Variants in WDTC1 observed in about 807,000 individuals in gnomAD.
WDTC1 encodes the protein WD and tetratricopeptide repeats protein 1.
Under a neutral mutation model 76.0 loss-of-function variants are expected in WDTC1, and 12 were observed. The ratio of observed to expected loss-of-function variants is 0.16; its 90% CI spans 0.10 to 0.26. The LOEUF (loss-of-function observed/expected upper bound fraction) is 0.26. WDTC1 is among the 10% of genes least tolerant of loss of function. WDTC1 has a pLI of 1.00. For synonymous variants in WDTC1, 326 were observed against 350.8 expected, an observed-to-expected ratio of 0.93 and a Z score of 0.79; for missense variants, 511 against 908.8, an observed-to-expected ratio of 0.56 and a Z score of 5.63.
rs534321538 is a variant in WDTC1, at chr1:27,306,808, C to T, written c.*425C>T. 6 of 195,370 alleles carry T rather than the reference C, an allele frequency of 3.1e-5. No homozygotes were observed. The highest frequency in any genetic ancestry group is 2.0e-4 in the South Asian group (2 of 10,020). 12.1% of individuals were successfully genotyped at this position (195,370 alleles called of 1,614,324 possible). A position where few individuals can be genotyped will look rare whatever the true frequency, so the allele number is the denominator to read the frequency against. On this transcript the variant is annotated 3_prime_UTR_variant, in exon 16 of 16. Transcript: ENST00000319394. The surrounding 1 kb of genome is among the most constrained non-coding windows in gnomAD (Gnocchi z 5.0). The stretch of plus-strand genomic sequence containing the variant: ...GTAAGGGCTCGCCTTGGCCTGTTGC[C>T]ACTCTTGCTCCCTAGCCTGCAAGGC...
At chr1:27,299,571 G>A (rs1257114890) in intron 12 of WDTC1, among the ~76,000 whole-genome samples, 2 of 152,176 alleles carry the variant, frequency 1.3e-5, no homozygotes, top group Admixed American at 1.3e-4. Flanking sequence ...TGAAGAGCTT[G>A]TTTGCAGAAC....
At chr1:27,264,443 T>C (rs1306210379) in intron 3 of WDTC1, among the ~76,000 whole-genome samples, 1 of 151,386 alleles carries the variant, frequency 6.6e-6, no homozygotes, top group Non-Finnish European at 1.5e-5. Flanking sequence ...AATGAAATAA[T>C]AAAATGTTTA....
chr1:27,300,133 G>A (rs2013795306), intron 12 of WDTC1, among the ~76,000 whole-genome samples: 1 of 152,228 alleles, frequency 6.6e-6, no homozygotes. Context: ...CCTGGTCTGA[G>A]CGTGGCTGTT....
At chr1:27,248,162 A>AT in intron 1 of WDTC1, among the ~76,000 whole-genome samples, 1 of 152,330 alleles carries the variant, frequency 6.6e-6, no homozygotes, top group Middle Eastern at 3.4e-3. Flanking sequence ...CTTTGGGTAT[A>AT]TACCCAGTAA....
At chr1:27,261,525 G>C (rs746801227) in intron 2 of WDTC1, among the ~76,000 whole-genome samples, 1 of 152,206 alleles carries the variant, frequency 6.6e-6, no homozygotes, top group Non-Finnish European at 1.5e-5. Flanking sequence ...AGGCTCTCCT[G>C]TGCTAAAGCC....
intron 1 of WDTC1, among the ~76,000 whole-genome samples, chr1:27,255,993 C>A (rs1471366272): frequency 6.6e-6 from 1 of 152,116 alleles, no homozygotes; most frequent in African/African-American, 2.4e-5. Context: ...CTCAGAGAAC[C>A]CCTCTCTATC....
At chr1:27,254,042 G>T (rs1405027020) in intron 1 of WDTC1, among the ~76,000 whole-genome samples, 2 of 152,022 alleles carry the variant, frequency 1.3e-5, no homozygotes, top group Non-Finnish European at 2.9e-5. Context: ...AGATTTAAGG[G>T]TATTTCCTTC....
intron 5 of WDTC1, 60 bp downstream of exon 5, chr1:27,283,509 G>C (rs1279631451): frequency 6.6e-7 from 1 of 1,525,566 alleles, no homozygotes; most frequent in East Asian, 2.3e-5. Context: ...GAGTGACTGG[G>C]CTGTGGCCAC....
intron 3 of WDTC1, among the ~76,000 whole-genome samples, chr1:27,266,052 AG>A (rs1051773251): frequency 5.0e-4 from 76 of 152,316 alleles, no homozygotes; most frequent in South Asian, 2.1e-3. Flanking sequence ...AATAGCGTAA[AG>A]GGGTCCTGAA....
At chr1:27,289,026 G>C (rs1427026910) in intron 6 of WDTC1, among the ~76,000 whole-genome samples, 2 of 132,748 alleles carry the variant, frequency 1.5e-5, no homozygotes, top group Admixed American at 1.5e-4. Flanking sequence ...CTGGCTGGGC[G>C]GGGGGCTGAC....
Position 27,292,500 on chromosome 1 carries a change from T to C in WDTC1, c.662+103T>C, listed in dbSNP as rs944569269. 60 of 1,174,706 alleles carry C rather than the reference T, an allele frequency of 5.1e-5. No homozygotes were observed. In the African/African-American group the frequency reaches 8.5e-4, roughly 17 times the overall value. The allele number at this position is 1,174,706 out of a possible 1,614,324, so 72.8% of individuals were successfully genotyped here. ...CCATGCCCTCTTCTTCTATCACAGC[T>C]CACTGCAGCCTCAACCTCCCAGGCT... On this transcript the variant is annotated intron_variant, in intron 7 of 15. Coordinates refer to ENST00000319394, the MANE Select transcript of WDTC1 (RefSeq NM_001276252.2).
At chr1:27,300,353 A>G (rs1323546730) in intron 12 of WDTC1, among the ~76,000 whole-genome samples, 1 of 152,008 alleles carries the variant, frequency 6.6e-6, no homozygotes, top group Non-Finnish European at 1.5e-5. Flanking sequence ...TGGCTTCTGA[A>G]GAAGCAGTTC....
In WDTC1 at chr1:27,308,325, A is replaced by G. The variant is rs1172327212; in HGVS notation, c.*1942A>G. 1 of 152,184 alleles carries G rather than the reference A, an allele frequency of 6.6e-6. No homozygotes were observed. The allele number at this position is 152,184 out of a possible 1,614,324, so 9.4% of individuals were successfully genotyped here. A position where few individuals can be genotyped will look rare whatever the true frequency, so the allele number is the denominator to read the frequency against. ...CCTGGTCCCTCACCTCTGTAGCTCT[A>G]TGACTTAGTAACCACACCTCTACTG... On this transcript the variant is annotated 3_prime_UTR_variant, in exon 16 of 16. Transcript: ENST00000319394.
At chr1:27,238,219 A>G (rs114665117) in intron 1 of WDTC1, among the ~76,000 whole-genome samples, 1 of 152,212 alleles carries the variant, frequency 6.6e-6, no homozygotes. Flanking sequence ...ACTGTGACAC[A>G]TGAAGAAGAA....
rs761502664 is a variant in WDTC1 at position 27,305,145 on chromosome 1, C to T, written c.1788C>T (p.Ala596=). ...CACACCCCAGCTACTGCTTCCTGGC[C>T]ACCAGTGGCATCGATCCTGTTGTGC... ...LQPHPSYCFL[A]TSGIDPVVRL... Residue 596 remains alanine (A), a synonymous_variant, in exon 15 of 16, where the codon GCC becomes GCT. Coordinates refer to ENST00000319394, the MANE Select transcript of WDTC1 (RefSeq NM_001276252.2). This position sits in a 1 kb window ranked among gnomAD's most constrained non-coding sequence, Gnocchi z 4.6. 19 of 1,613,984 alleles carry T rather than the reference C, an allele frequency of 1.2e-5. No individual in the cohort carries two copies. The highest frequency in any genetic ancestry group is 1.6e-5 in the Non-Finnish European group (19 of 1,180,008).
rs1035146092 is a variant in WDTC1 at position 27,237,712 on chromosome 1, A to G, written c.-100+2761A>G. ...AAAATACAAAAAAAATTAGCCGGGC[A>G]TGGTGGCACGCGCCTGTAGTCCCAG... is the stretch of plus-strand genomic sequence containing the variant. On this transcript the variant is annotated intron_variant, in intron 1 of 15. Coordinates refer to ENST00000319394, the MANE Select transcript of WDTC1 (RefSeq NM_001276252.2). Among the ~76,000 whole-genome samples the G allele has an allele frequency of 1.2e-4, 18 of 152,128 alleles. No individual in the cohort carries two copies. In the East Asian group the frequency reaches 3.1e-3, roughly 26 times the overall value.
At chr1:27,271,941 AT>A (rs891943638) in intron 3 of WDTC1, among the ~76,000 whole-genome samples, 859 of 144,758 alleles carry the variant, frequency 5.9e-3, no homozygotes, top group Admixed American at 9.7e-3. Context: ...CCGGCCTAAA[AT>A]TTTTTTTTTA....
chr1:27,263,179 C>T lies in WDTC1; in HGVS notation c.76C>T (p.Arg26Cys), dbSNP rs751495420. 21 of 1,613,364 alleles carry T rather than the reference C, an allele frequency of 1.3e-5. No homozygotes were observed. The highest frequency in any genetic ancestry group is 1.0e-4 in the Admixed American group (6 of 59,950). The change falls in exon 3 of 16, where the codon CGC becomes TGC. Residue 26 changes from arginine to cysteine, a missense_variant. Transcript: ENST00000319394. Reference sequence around the variant, plus strand: ...GCGGGGTGCCCTGAGCTTTGAGCGGCGCTACCATGTCACTGACCCCTTTAT... The same window carrying T: ...GCGGGGTGCCCTGAGCTTTGAGCGGTGCTACCATGTCACTGACCCCTTTAT... Reference protein sequence around the residue: ...KERGALSFERRYHVTDPFIRR... With the variant: ...KERGALSFERCYHVTDPFIRR...
intron 5 of WDTC1, among the ~76,000 whole-genome samples, chr1:27,286,159 C>A (rs2013329425): frequency 6.6e-6 from 1 of 151,846 alleles, no homozygotes; most frequent in Non-Finnish European, 1.5e-5. Flanking sequence ...GTGCACACCA[C>A]CACATCCGGC....
Sources: allele counts gnomAD v4.1 joint callset (sites outside exome capture counted in the v4.1 genomes callset), GRCh38; gene constraint gnomAD v4.1.1; non-coding constraint Gnocchi (gnomAD v3.1); transcripts MANE v1.5; gene names NCBI Gene and HGNC (gene_info 2026-07-23, HGNC 2026-07-21).